Variants in PSMD5 observed in about 807,000 individuals in gnomAD.
PSMD5 encodes the protein 26S proteasome non-ATPase regulatory subunit 5.
Under a neutral mutation model 52.1 loss-of-function variants are expected in PSMD5, and 40 were observed. That is an observed-to-expected ratio of 0.77 (90% CI 0.60 to 1.00). The LOEUF (loss-of-function observed/expected upper bound fraction) is 1.00, where lower values mean the gene tolerates loss of function less well. PSMD5 is among the 50% of genes least tolerant of loss of function. The pLI is 0.00. For synonymous variants in PSMD5, 211 were observed against 226.6 expected (o/e 0.93, Z 0.62); for missense variants, 575 against 605.2 (o/e 0.95, Z 0.52).
rs146946325 is a variant in PSMD5 at position 120,833,399 on chromosome 9, C to T, written c.231G>A (p.Pro77=). ...ILERLLQAME[P]VHVARNLRVD... ...CCCTGAGGTTCCGGGCCACGTGAAC[C>T]GGTTCCATAGCTTGGAGCAATCTCT... Residue 77 remains proline (P), a synonymous_variant, in exon 2 of 10, where the codon CCG becomes CCA. Coordinates refer to ENST00000210313, the MANE Select transcript of PSMD5 (RefSeq NM_005047.4). The T allele has an allele frequency of 9.1e-5, 147 of 1,613,988 alleles. 1 individual carries two copies. The highest frequency in any genetic ancestry group is 7.7e-4 in the African/African-American group (58 of 75,024).
At chr9:120,834,758 G>A (rs1335384151) in intron 1 of PSMD5, among the ~76,000 whole-genome samples, 2 of 152,196 alleles carry the variant, frequency 1.3e-5, no homozygotes, top group African/African-American at 2.4e-5. Context: ...GTAAAATGAC[G>A]AGATCTGACT....
At chr9:120,822,598 G>C (rs556566307) in intron 7 of PSMD5, among the ~76,000 whole-genome samples, 1 of 151,890 alleles carries the variant, frequency 6.6e-6, no homozygotes, top group East Asian at 1.9e-4. Context: ...ACCCAGGCTG[G>C]AGTGCAATGG....
At chr9:120,835,483 G>A (rs773361032) in intron 1 of PSMD5, among the ~76,000 whole-genome samples, 10 of 152,088 alleles carry the variant, frequency 6.6e-5, no homozygotes, top group Non-Finnish European at 1.3e-4. Context: ...CCAGCACTTT[G>A]GGAGGCCATA....
intron 1 of PSMD5, 154 bp downstream of exon 1, chr9:120,842,583 G>A: frequency 1.1e-6 from 1 of 927,306 alleles, no homozygotes; most frequent in Non-Finnish European, 1.6e-6. Flanking sequence ...CCCATCTCCT[G>A]CCTCTGAACC....
chr9:120,834,790 G>C (rs1254083968), intron 1 of PSMD5, among the ~76,000 whole-genome samples: 1 of 152,254 alleles, frequency 6.6e-6, no homozygotes, highest in Non-Finnish European at 1.5e-5. Context: ...CTCTGCACCA[G>C]TGTTAGGGGA....
At chr9:120,827,089 C>A (rs1010039090) in intron 5 of PSMD5, among the ~76,000 whole-genome samples, 182 bp from the exon 6 acceptor site, 2 of 152,184 alleles carry the variant, frequency 1.3e-5, no homozygotes, top group Non-Finnish European at 2.9e-5. Flanking sequence ...TCTCTGTAAT[C>A]ATATTGTTAT....
At position 120,831,411 on chromosome 9, in the gene PSMD5, C is replaced by A; in HGVS notation, c.481G>T (p.Ala161Ser). Residue 161 changes from alanine (A) to serine (S), a missense_variant, in exon 4 of 10, where the codon GCT becomes TCT. Physicochemically the swap from Ala to Ser is moderately conservative, Grantham distance 99. Coordinates refer to ENST00000210313, the MANE Select transcript of PSMD5 (RefSeq NM_005047.4). ...TCCAGCAGATTGCTTTCAAATAAAGCCTCCAGTCCAGCTTGGGTTAGTGAT... is the reference window on the plus strand; with the variant it reads ...TCCAGCAGATTGCTTTCAAATAAAGACTCCAGTCCAGCTTGGGTTAGTGAT... ...RISLTQAGLE[A>S]LFESNLLDDL... The A allele has an allele frequency of 6.2e-7, 1 of 1,612,478 alleles. No individual in the cohort carries two copies. The highest frequency in any genetic ancestry group is 8.5e-7 in the Non-Finnish European group (1 of 1,179,400).
chr9:120,822,005 T>C (rs924636896), intron 7 of PSMD5, among the ~76,000 whole-genome samples: 3 of 152,254 alleles, frequency 2.0e-5, no homozygotes, highest in Non-Finnish European at 4.4e-5. Flanking sequence ...TTTGAGTCTC[T>C]GCTTTCAATT....
chr9:120,825,468 A>T (rs1456376516), intron 6 of PSMD5, among the ~76,000 whole-genome samples: 2 of 152,194 alleles, frequency 1.3e-5, no homozygotes, highest in Non-Finnish European at 2.9e-5. Flanking sequence ...ATTAAATTTA[A>T]AAATTTTGGA....
intron 1 of PSMD5, among the ~76,000 whole-genome samples, chr9:120,837,381 G>C (rs2045205826): frequency 6.6e-6 from 1 of 151,824 alleles, no homozygotes; most frequent in Non-Finnish European, 1.5e-5. Flanking sequence ...CTTTTTTTTA[G>C]ACAAGCTCTC....
chr9:120,830,858 T>C (rs1203899048), intron 4 of PSMD5, among the ~76,000 whole-genome samples: 2 of 150,504 alleles, frequency 1.3e-5, no homozygotes, highest in Non-Finnish European at 2.9e-5. Flanking sequence ...CAATATCTTC[T>C]CTATCATAGT....
chr9:120,831,194 G>T, intron 4 of PSMD5, 137 bp downstream of exon 4: 1 of 903,824 alleles, frequency 1.1e-6, no homozygotes, highest in Non-Finnish European at 1.6e-6. Flanking sequence ...TACTAGGCTG[G>T]GAATGCATCC....
At chr9:120,834,344 A>G (rs1175910875) in intron 1 of PSMD5, among the ~76,000 whole-genome samples, 1 of 152,146 alleles carries the variant, frequency 6.6e-6, no homozygotes, top group African/African-American at 2.4e-5. Context: ...AGGCAACTGT[A>G]ATCCAGATAA....
At chr9:120,836,090 C>T (rs1261560422) in intron 1 of PSMD5, among the ~76,000 whole-genome samples, 1 of 152,198 alleles carries the variant, frequency 6.6e-6, no homozygotes, top group Non-Finnish European at 1.5e-5. Flanking sequence ...TAAGTAAAAG[C>T]ATACAACATT....
intron 5 of PSMD5, 125 bp from the exon 6 acceptor site, chr9:120,827,032 C>T (rs1264338627): frequency 3.0e-6 from 3 of 998,550 alleles, no homozygotes; most frequent in Middle Eastern, 3.4e-4. Flanking sequence ...ATAATCTTGG[C>T]TCCTCTTTTC....
intron 6 of PSMD5, among the ~76,000 whole-genome samples, chr9:120,825,784 G>GA (rs1475217956): frequency 1.3e-5 from 2 of 151,954 alleles, no homozygotes; most frequent in Non-Finnish European, 2.9e-5. Context: ...CAGCTTTATT[G>GA]AATTTATTTA....
At position 120,830,289 on chromosome 9, in the gene PSMD5, G is replaced by C. The variant is rs1056398474; in HGVS notation, c.561+1042C>G. ...AAGGAAGATCAGGAATTTGATTTCA[G>C]CATGAGTTTGAGTGGCCTAGAATAT... is the stretch of plus-strand genomic sequence containing the variant. On this transcript the variant is annotated intron_variant, in intron 4 of 9. Transcript: ENST00000210313. 1.3e-5 allele frequency among the ~76,000 whole-genome samples: 2 copies of C among 152,168 alleles called. 1 individual carries two copies. Among genetic ancestry groups the C allele is most frequent in the Admixed American group, 1.3e-4 (2 of 15,272 alleles).
rs763055818 is a variant in PSMD5 at position 120,826,899 on chromosome 9, C to T, written c.680G>A (p.Cys227Tyr). 11 of 1,609,416 alleles carry T rather than the reference C, an allele frequency of 6.8e-6. No homozygotes were observed. The South Asian group carries it at 1.1e-4, about 16-fold the overall frequency. The change falls in exon 6 of 10, where the codon TGT becomes TAT. Residue 227 changes from cysteine to tyrosine, a missense_variant. By Grantham distance (194) the Cys-to-Tyr change is radical. Coordinates refer to ENST00000210313, the MANE Select transcript of PSMD5 (RefSeq NM_005047.4). Reference protein sequence around the residue: ...TGEDVLVRATCIEMVTSLAYT... With the variant: ...TGEDVLVRATYIEMVTSLAYT... ...TGCCAGTGATGTCACCATTTCTATA[C>T]AGGTGGCTCTAAAATGTCAGAAGGA...
At chr9:120,824,798 G>T (rs1445040354) in intron 6 of PSMD5, 113 bp from the exon 7 acceptor site, 10 of 876,544 alleles carry the variant, frequency 1.1e-5, no homozygotes, top group Non-Finnish European at 1.7e-5. Flanking sequence ...GCATAGAAAG[G>T]TTAGAGTAGT....
Sources: allele counts gnomAD v4.1 joint callset (sites outside exome capture counted in the v4.1 genomes callset), GRCh38; gene constraint gnomAD v4.1.1; transcripts MANE v1.5; gene names NCBI Gene and HGNC (gene_info 2026-07-23, HGNC 2026-07-21).